The following ECE1 variants were observed in gnomAD, a reference collection of about 807,000 sequenced individuals.
ECE1 encodes the protein endothelin converting enzyme 1.
In ECE1, 35 loss-of-function variants were observed where a neutral mutation model predicts 98.6. The ratio of observed to expected loss-of-function variants is 0.35; its 90% confidence interval spans 0.27 to 0.47. The LOEUF is 0.47. ECE1 is among the 20% of genes least tolerant of loss of function. The pLI, the probability that ECE1 is intolerant of heterozygous loss-of-function variation, is 1.00. For synonymous variants in ECE1, 394 were observed against 407.1 expected, an observed-to-expected ratio of 0.97 and a Z score of 0.39; for missense variants, 814 against 1,025.3, an observed-to-expected ratio of 0.79 and a Z score of 2.81.
intron 2 of ECE1, chr1:21,279,781 T>C: frequency 9.3e-7 from 1 of 1,079,500 alleles, no homozygotes; most frequent in Non-Finnish European, 1.2e-6. Context: ...AGCACAGACA[T>C]CCTTAGCTCA....
intron 2 of ECE1, 105 bp downstream of exon 2, chr1:21,289,965 G>C: frequency 8.1e-7 from 1 of 1,235,288 alleles, no homozygotes; most frequent in Middle Eastern, 3.1e-4. Flanking sequence ...GGAGGGGAAG[G>C]GAGGGGAAGA....
chr1:21,270,545 C>T (rs2098239085), intron 4 of ECE1, among the ~76,000 whole-genome samples: 1 of 152,208 alleles, frequency 6.6e-6, no homozygotes, highest in Admixed American at 6.5e-5. Context: ...TCCTCATCTA[C>T]CAACAGAGTG....
chr1:21,331,006 G>A (rs213040), intron 1 of ECE1, among the ~76,000 whole-genome samples: 16,998 of 152,232 alleles, frequency 0.11, 1,190 homozygotes, highest in East Asian at 0.37. Flanking sequence ...GCCAGGGGTG[G>A]TGGTTCACGC....
In ECE1 at chr1:21,290,410, C is replaced by T. The variant is rs2098265458; in HGVS notation, c.5G>A (p.Arg2Gln). 4.8e-6 allele frequency: 6 copies of T among 1,238,152 alleles called. No homozygotes were observed. In the East Asian group the frequency reaches 1.3e-4, roughly 26 times the overall value. The allele number at this position is 1,238,152 out of a possible 1,614,324, so 76.7% of individuals were successfully genotyped here. A position where few individuals can be genotyped will look rare whatever the true frequency, so the allele number is the denominator to read the frequency against. The change falls in exon 1 of 19, where the codon CGG becomes CAG. Residue 2 changes from arginine (R) to glutamine (Q), a missense_variant. Physicochemically the swap from Arg to Gln is conservative, Grantham distance 43. This residue lies in a region of ECE1 where 257 missense variants were observed against 278.9 expected (regional missense o/e 0.92). Transcript: ENST00000374893. This position sits in a 1 kb window ranked among gnomAD's most constrained non-coding sequence, Gnocchi z 7.3. M[R>Q]GVWPPPVSAL... is the part of the protein sequence containing the mutation. ...GGACACCGGGGGCGGCCACACGCCC[C>T]GCATGCTGTGCCCCAGACGCCTGGT...
At position 21,258,859 on chromosome 1, in the gene ECE1, G is replaced by T. The variant is rs748163930; in HGVS notation, c.616-20C>A. On this transcript the variant is annotated intron_variant, in intron 5 of 18. Coordinates refer to ENST00000374893, the MANE Select transcript of ECE1 (RefSeq NM_001397.3). The surrounding 1 kb of genome is among the most constrained non-coding windows in gnomAD (Gnocchi z 4.2). ...CCCGAGCTGTGGGGAGGGAGAGCAG[G>T]CAGGGAGGTGATGAGGTGGCGGGGA... is the stretch of plus-strand genomic sequence containing the variant. The T allele has an allele frequency of 2.5e-6, 4 of 1,613,958 alleles. No homozygotes were observed. The South Asian group carries it at 4.4e-5, about 18-fold the overall frequency.
At chr1:21,305,799 G>A (rs1289928570) in intron 1 of ECE1, among the ~76,000 whole-genome samples, 1 of 152,232 alleles carries the variant, frequency 6.6e-6, no homozygotes, top group Non-Finnish European at 1.5e-5. Context: ...ATGCCTGGTG[G>A]CTGGAATCTG....
chr1:21,230,698 T>A (rs2098180674), intron 14 of ECE1, among the ~76,000 whole-genome samples: 2 of 151,722 alleles, frequency 1.3e-5, no homozygotes, highest in Non-Finnish European at 2.9e-5. Flanking sequence ...GAATTCTTTC[T>A]ATATATAAAA....
intron 4 of ECE1, among the ~76,000 whole-genome samples, chr1:21,261,943 A>C (rs2098227501): frequency 6.6e-6 from 1 of 152,194 alleles, no homozygotes; most frequent in Non-Finnish European, 1.5e-5. Flanking sequence ...TGGAGAAAAG[A>C]AAGCTGTCTG....
intron 4 of ECE1, among the ~76,000 whole-genome samples, chr1:21,262,997 G>A (rs1407481341): frequency 6.6e-6 from 1 of 152,232 alleles, no homozygotes; most frequent in Non-Finnish European, 1.5e-5. Flanking sequence ...ACTCGCGGGA[G>A]CATCTGATTA....
chr1:21,337,704 T>A (rs1207452182), intron 1 of ECE1, among the ~76,000 whole-genome samples: 1 of 152,192 alleles, frequency 6.6e-6, no homozygotes, highest in African/African-American at 2.4e-5. Context: ...AGGATCTGAT[T>A]GAGCGTTTCT....
At chr1:21,249,043 T>G (rs2098208279) in intron 8 of ECE1, among the ~76,000 whole-genome samples, 1 of 152,068 alleles carries the variant, frequency 6.6e-6, no homozygotes, top group Admixed American at 6.6e-5. Context: ...CTAATTATTG[T>G]TTTGTTAGGA....
At chr1:21,284,761 A>G (rs2098258698) in intron 2 of ECE1, among the ~76,000 whole-genome samples, 1 of 152,212 alleles carries the variant, frequency 6.6e-6, no homozygotes, top group Admixed American at 6.5e-5. Context: ...AGCCAGGTGA[A>G]GCCAGGTTTT....
chr1:21,257,790 C>T (rs974436638), intron 6 of ECE1, among the ~76,000 whole-genome samples, 200 bp from the exon 7 acceptor site: 1 of 152,030 alleles, frequency 6.6e-6, no homozygotes, highest in African/African-American at 2.4e-5. Context: ...ACGTGGCCCC[C>T]CCCCGCAGGG....
At chr1:21,324,651 G>A (rs1212239508) in intron 1 of ECE1, among the ~76,000 whole-genome samples, 1 of 152,186 alleles carries the variant, frequency 6.6e-6, no homozygotes, top group Non-Finnish European at 1.5e-5. Context: ...CCCCAGAGAG[G>A]GCTGGAGCTG....
At chr1:21,266,887 G>A (rs2098234578) in intron 4 of ECE1, 1 of 152,262 alleles carries the variant, frequency 6.6e-6, no homozygotes, top group South Asian at 2.1e-4. Context: ...AAGCAGCCCA[G>A]CTGGCCCTAA....
Position 21,260,366 on chromosome 1 carries a change from CCT to C in ECE1, c.518_519del (p.Glu173GlyfsTer31). 6.2e-7 allele frequency: 1 copy of C among 1,614,256 alleles called. No homozygotes were observed. The highest frequency in any genetic ancestry group is 8.5e-7 in the Non-Finnish European group (1 of 1,180,056). On this transcript the variant is annotated frameshift_variant, in exon 5 of 19. Transcript: ENST00000374893. LOFTEE classifies it high-confidence loss of function. The surrounding 1 kb of genome is among the most constrained non-coding windows in gnomAD (Gnocchi z 4.3). ...LLENSTASVS[E>X]AERKAQVYYR... ...TAGTATACTTGCGCCTTTCTCTCTG[CCT>C]CGCTCACGCTGGCCGTGGAGTTTTC...
rs546530516 is a variant in ECE1 at position 21,307,593 on chromosome 1, T to G, written c.4-17437A>C. 2.0e-5 allele frequency among the ~76,000 whole-genome samples: 3 copies of G among 152,292 alleles called. No individual in the cohort carries two copies. The South Asian group carries it at 6.2e-4, about 32-fold the overall frequency. On this transcript the variant is annotated intron_variant, in intron 1 of 18. Coordinates refer to the ECE1 transcript ENST00000415912. This position sits in a 1 kb window ranked among gnomAD's most constrained non-coding sequence, Gnocchi z 4.2. ...AGAGGGGCCTCCAGAGGACATTTTC[T>G]TGCACCCCAGGAGGCATTCCTGTCA...
At chr1:21,282,572 A>G (rs2098255984) in intron 2 of ECE1, among the ~76,000 whole-genome samples, 1 of 144,972 alleles carries the variant, frequency 6.9e-6, no homozygotes, top group Non-Finnish European at 1.5e-5. Flanking sequence ...TGGGTGACAG[A>G]GTGAGACGCT....
chr1:21,337,832 C>A (rs76776950), intron 1 of ECE1, among the ~76,000 whole-genome samples: 1 of 152,132 alleles, frequency 6.6e-6, no homozygotes, highest in Non-Finnish European at 1.5e-5. Flanking sequence ...CAGGTTTGAA[C>A]CTGGGCCCAT....
Sources: gnomAD v4.1 joint callset for allele counts (sites outside exome capture counted in the v4.1 genomes callset) on GRCh38, gnomAD v4.1.1 for gene constraint, gnomAD v4.1.1 regional missense constraint, Gnocchi (gnomAD v3.1) non-coding constraint, MANE v1.5 for transcripts, NCBI Gene and HGNC (gene_info 2026-07-23, HGNC 2026-07-21) for gene names.